The following NLGN4X variants were observed in gnomAD, a reference collection of about 807,000 sequenced individuals.
The protein encoded by NLGN4X is neuroligin-4, X-linked.
A neutral mutation model predicts 40.3 loss-of-function variants in NLGN4X; 3 were observed. That is an observed-to-expected ratio of 0.07 (90% CI 0.03 to 0.19). The LOEUF (loss-of-function observed/expected upper bound fraction) is 0.19, where lower values mean the gene tolerates loss of function less well. NLGN4X is among the 10% of genes least tolerant of loss of function. The pLI, the probability that NLGN4X is intolerant of heterozygous loss-of-function variation, is 1.00. For missense variants in NLGN4X, 382 were observed against 708.3 expected (o/e 0.54, Z 5.23); for synonymous variants, 270 against 306.8 (o/e 0.88, Z 1.25).
intron 1 of NLGN4X, among the ~76,000 whole-genome samples, chrX:6,172,689 G>C (rs753980763): frequency 9.0e-6 from 1 of 111,687 alleles, no homozygotes; most frequent in East Asian, 2.8e-4. Context: ...CTTATTGAAA[G>C]CTTCTCAAAA....
chrX:5,954,144 T>A (rs952119979), intron 3 of NLGN4X, among the ~76,000 whole-genome samples: 2 of 111,363 alleles, frequency 1.8e-5, no homozygotes, highest in East Asian at 5.6e-4. Context: ...TCTGAGAAAT[T>A]TAGGAGAAAA....
At chrX:6,036,818 TACA>T (rs1486758155) in intron 2 of NLGN4X, among the ~76,000 whole-genome samples, 3 of 111,774 alleles carry the variant, frequency 2.7e-5, no homozygotes, top group Non-Finnish European at 3.8e-5. Context: ...CAAGCAAAAG[TACA>T]ACAATTCTAT....
chrX:6,047,426 C>T (rs988350816), intron 2 of NLGN4X, among the ~76,000 whole-genome samples: 7 of 111,453 alleles, frequency 6.3e-5, no homozygotes, highest in African/African-American at 1.6e-4. Context: ...CAGCGAGCTA[C>T]GATCATGCTA....
chrX:6,142,269 T>C (rs2039963742), intron 2 of NLGN4X, among the ~76,000 whole-genome samples: 2 of 112,404 alleles, frequency 1.8e-5, no homozygotes, highest in Non-Finnish European at 3.8e-5. Context: ...CTAAATAGTA[T>C]TATTCCAAAC....
At chrX:5,909,721 C>T (rs72627584) in intron 3 of NLGN4X, among the ~76,000 whole-genome samples, 4,850 of 102,961 alleles carry the variant, frequency 0.047, 139 homozygotes, top group South Asian at 0.16. Context: ...AGGCAGTGTG[C>T]GCCTGTCTTT....
chrX:5,965,901 C>G (rs2146997626), intron 3 of NLGN4X, among the ~76,000 whole-genome samples: 1 of 111,608 alleles, frequency 9.0e-6, no homozygotes, highest in African/African-American at 3.2e-5. Flanking sequence ...TTGCCCAAAC[C>G]CCATAAAAAA....
intron 3 of NLGN4X, among the ~76,000 whole-genome samples, chrX:5,922,491 C>A (rs1247038618): frequency 9.0e-6 from 1 of 111,629 alleles, no homozygotes. Flanking sequence ...TCAATTAAAA[C>A]TAAATAAATG....
intron 2 of NLGN4X, among the ~76,000 whole-genome samples, chrX:6,044,275 T>C (rs997131614): frequency 6.8e-4 from 76 of 111,390 alleles, no homozygotes; most frequent in African/African-American, 2.4e-3. Context: ...TGAGACCTTG[T>C]CAACATAAGC....
chrX:5,968,628 C>T (rs2034917253), intron 3 of NLGN4X, among the ~76,000 whole-genome samples: 1 of 105,360 alleles, frequency 9.5e-6, no homozygotes, highest in Non-Finnish European at 1.9e-5. Context: ...ATCTTAGTAC[C>T]AATCATCCAC....
chrX:6,016,417 A>G (rs1309496262), intron 3 of NLGN4X, among the ~76,000 whole-genome samples: 1 of 111,822 alleles, frequency 8.9e-6, no homozygotes, highest in Non-Finnish European at 1.9e-5. Flanking sequence ...CCCAAACATG[A>G]TATCACTTTA....
At chrX:5,988,278 G>A (rs1335850360) in intron 3 of NLGN4X, among the ~76,000 whole-genome samples, 3 of 111,830 alleles carry the variant, frequency 2.7e-5, no homozygotes, top group African/African-American at 9.8e-5. Flanking sequence ...AGCATTGTCT[G>A]AGGCTTAACA....
rs1232620424 is a variant in NLGN4X, at chrX:6,176,386, T to C, written c.-305-24615A>G. On this transcript the variant is annotated intron_variant, in intron 1 of 5. Transcript: ENST00000381095. The stretch of plus-strand genomic sequence containing the variant: ...GTCTGTAAAATGAAGATAACAACTG[T>C]GTGGTCTGCAGAATAACGGACCCCC... Among the ~76,000 whole-genome samples the C allele has an allele frequency of 5.5e-4, 62 of 112,263 alleles. No homozygotes were observed. The Admixed American group carries it at 5.9e-3, about 11-fold the overall frequency.
chrX:6,164,692 A>G (rs7061988), intron 1 of NLGN4X, among the ~76,000 whole-genome samples: 28,476 of 110,487 alleles, frequency 0.26, 2,703 homozygotes, highest in Admixed American at 0.29. Flanking sequence ...ATATCCGAAA[A>G]GCTGAGTGTC....
chrX:6,101,240 T>C (rs1035512096), intron 2 of NLGN4X, among the ~76,000 whole-genome samples: 1 of 111,793 alleles, frequency 8.9e-6, no homozygotes, highest in African/African-American at 3.3e-5. Context: ...GATAAACAGA[T>C]GGATGGACAG....
At chrX:5,978,762 CTT>C (rs1395112423) in intron 3 of NLGN4X, among the ~76,000 whole-genome samples, 2 of 111,430 alleles carry the variant, frequency 1.8e-5, no homozygotes, top group African/African-American at 6.5e-5. Flanking sequence ...TAAATGTTGA[CTT>C]ATGTATACAG....
At chrX:5,953,910 T>C (rs1022809236) in intron 3 of NLGN4X, among the ~76,000 whole-genome samples, 1 of 111,583 alleles carries the variant, frequency 9.0e-6, no homozygotes, top group African/African-American at 3.3e-5. Flanking sequence ...TTTTTCCTTA[T>C]GGATTGTGAA....
chrX:6,209,241 TG>T (rs1445360137), intron 1 of NLGN4X, among the ~76,000 whole-genome samples: 1 of 110,574 alleles, frequency 9.0e-6, no homozygotes, highest in African/African-American at 3.3e-5. Context: ...GGTGGGAGGG[TG>T]GTAGGATGAT....
At chrX:6,054,492 T>A (rs1015181999) in intron 2 of NLGN4X, among the ~76,000 whole-genome samples, 16 of 110,396 alleles carry the variant, frequency 1.4e-4, no homozygotes, top group African/African-American at 4.9e-4. Context: ...TAGTGGTGCA[T>A]GCCTGTCAAC....
intron 2 of NLGN4X, among the ~76,000 whole-genome samples, chrX:6,038,727 G>A (rs1380662233): frequency 9.0e-6 from 1 of 111,317 alleles, no homozygotes; most frequent in Non-Finnish European, 1.9e-5. Flanking sequence ...TTCAGCAAAG[G>A]GGCTTTCCAG....
Sources: gnomAD v4.1 joint callset for allele counts (sites outside exome capture counted in the v4.1 genomes callset) on GRCh38, gnomAD v4.1.1 for gene constraint, MANE v1.5 for transcripts, NCBI Gene and HGNC (gene_info 2026-07-23, HGNC 2026-07-21) for gene names.